SPATA16: variants seen among roughly 807,000 people sequenced by gnomAD.
SPATA16 encodes the protein spermatogenesis-associated protein 16.
Under a neutral mutation model 63.3 loss-of-function variants are expected in SPATA16, and 36 were observed. The ratio of observed to expected loss-of-function variants is 0.57; its 90% CI spans 0.44 to 0.75. The LOEUF (loss-of-function observed/expected upper bound fraction) is 0.75, where lower values mean the gene tolerates loss of function less well. SPATA16 is among the 30% of genes least tolerant of loss of function. The probability of loss-of-function intolerance (pLI) is 0.00; values close to 1 mark genes in which losing one functional copy is unlikely to be tolerated. For synonymous variants in SPATA16, 203 were observed against 216.7 expected, an observed-to-expected ratio of 0.94 and a Z score of 0.56; for missense variants, 646 against 679.3, an observed-to-expected ratio of 0.95 and a Z score of 0.54.
chr3:173,035,889 A>G (rs1464328797), intron 3 of SPATA16, among the ~76,000 whole-genome samples: 1 of 152,040 alleles, frequency 6.6e-6, no homozygotes, highest in Non-Finnish European at 1.5e-5. Flanking sequence ...TGCAGGAAGC[A>G]AACAGGTGAT....
chr3:173,058,202 T>A (rs1736295506), intron 2 of SPATA16, among the ~76,000 whole-genome samples: 1 of 152,064 alleles, frequency 6.6e-6, no homozygotes, highest in African/African-American at 2.4e-5. Context: ...TCATGAACAT[T>A]TTCATGTTAA....
intron 6 of SPATA16, among the ~76,000 whole-genome samples, chr3:172,953,640 G>A (rs553993640): frequency 1.1e-4 from 17 of 152,290 alleles, no homozygotes; most frequent in African/African-American, 3.6e-4. Flanking sequence ...TGCTCAAGAC[G>A]CCAGAGCTGA....
intron 2 of SPATA16, among the ~76,000 whole-genome samples, chr3:173,080,362 A>G (rs982187353): frequency 6.6e-6 from 1 of 152,240 alleles, no homozygotes; most frequent in African/African-American, 2.4e-5. Flanking sequence ...AGCAAACTGC[A>G]GGGCTGAACA....
At chr3:173,059,673 T>C (rs530340768) in intron 2 of SPATA16, among the ~76,000 whole-genome samples, 5 of 152,028 alleles carry the variant, frequency 3.3e-5, no homozygotes, top group African/African-American at 9.7e-5. Context: ...TTTAATCATT[T>C]ATGGATTATC....
chr3:173,051,833 A>G (rs769099147), intron 2 of SPATA16, among the ~76,000 whole-genome samples: 4 of 151,434 alleles, frequency 2.6e-5, no homozygotes, highest in Non-Finnish European at 5.9e-5. Context: ...TTCTTGAGAC[A>G]GAGTCTCACT....
chr3:173,049,928 A>G (rs1437972616), intron 2 of SPATA16, among the ~76,000 whole-genome samples: 2 of 152,062 alleles, frequency 1.3e-5, no homozygotes, highest in Non-Finnish European at 2.9e-5. Context: ...AGTCCTATCT[A>G]TGTTTAGTGA....
intron 2 of SPATA16, among the ~76,000 whole-genome samples, chr3:173,074,223 T>C (rs1002078233): frequency 2.6e-5 from 4 of 152,196 alleles, no homozygotes; most frequent in South Asian, 2.1e-4. Context: ...TTTGAGTTAA[T>C]ACTGAAATGA....
In SPATA16 at chr3:173,117,476, C is replaced by T. The variant is rs1737936335; in HGVS notation, c.256G>A (p.Ala86Thr). The part of the protein sequence containing the change: ...DLEKAAFKRK[A>T]EGEEKPTRKK... ...CTAGTTGGCTTTTCTTCACCTTCTG[C>T]CTTCCGTTTAAAGGCTGCTTTCTCT... is the stretch of plus-strand genomic sequence containing the variant. Residue 86 changes from alanine to threonine, a missense_variant, in exon 2 of 11, where the codon GCA becomes ACA. Transcript: ENST00000351008. The T allele has an allele frequency of 6.2e-7, 1 of 1,614,130 alleles. No homozygotes were observed. Among genetic ancestry groups the T allele is most frequent in the Non-Finnish European group, 8.5e-7 (1 of 1,179,994 alleles).
At chr3:173,078,194 G>T (rs755641588) in intron 2 of SPATA16, among the ~76,000 whole-genome samples, 1 of 152,086 alleles carries the variant, frequency 6.6e-6, no homozygotes. Flanking sequence ...CAACGCTTTA[G>T]TAAATGACTG....
chr3:172,925,945 C>A (rs555890104), intron 6 of SPATA16, among the ~76,000 whole-genome samples: 1 of 152,236 alleles, frequency 6.6e-6, no homozygotes, highest in Non-Finnish European at 1.5e-5. Context: ...CCTGCTTTAG[C>A]CTCCTGAGTA....
chr3:173,005,689 A>G (rs1008307803), intron 4 of SPATA16, among the ~76,000 whole-genome samples: 1 of 152,230 alleles, frequency 6.6e-6, no homozygotes, highest in Non-Finnish European at 1.5e-5. Context: ...TCAATGCAGG[A>G]TGGAGAAATT....
At chr3:173,112,681 G>A (rs543750095) in intron 2 of SPATA16, among the ~76,000 whole-genome samples, 3 of 152,304 alleles carry the variant, frequency 2.0e-5, no homozygotes, top group Admixed American at 1.3e-4. Context: ...ATAAATGTGA[G>A]TTATTACTTT....
At chr3:172,996,721 A>G (rs915030396) in intron 4 of SPATA16, among the ~76,000 whole-genome samples, 29 of 152,156 alleles carry the variant, frequency 1.9e-4, no homozygotes, top group Admixed American at 1.4e-3. Flanking sequence ...GCTTTGACAA[A>G]CGTACAATGA....
chr3:172,947,506 G>A (rs564738682), intron 6 of SPATA16, among the ~76,000 whole-genome samples: 3 of 150,342 alleles, frequency 2.0e-5, no homozygotes, highest in South Asian at 4.2e-4. Flanking sequence ...CTTACGTTTC[G>A]CTTGCATTCA....
Position 172,983,242 on chromosome 3 carries a change from A to G in SPATA16, c.849-6190T>C, listed in dbSNP as rs75219481. ...CCGTATTCTCTGAATAGAAGTCTAA[A>G]TATCCTCACAATAATTTATTAATCT... On this transcript the variant is annotated intron_variant, in intron 4 of 10. Coordinates refer to ENST00000351008, the MANE Select transcript of SPATA16 (RefSeq NM_031955.6). 5.4e-3 allele frequency among the ~76,000 whole-genome samples: 826 copies of G among 152,126 alleles called. 4 individuals are homozygous for G. The highest frequency in any genetic ancestry group is 0.019 in the African/African-American group (791 of 41,476).
At chr3:173,110,947 C>G (rs964271790) in intron 2 of SPATA16, among the ~76,000 whole-genome samples, 1 of 152,216 alleles carries the variant, frequency 6.6e-6, no homozygotes, top group Non-Finnish European at 1.5e-5. Flanking sequence ...AATGAGGCAT[C>G]TGGTGTCCCG....
At chr3:173,021,252 A>G (rs913773589) in intron 3 of SPATA16, among the ~76,000 whole-genome samples, 32 of 152,226 alleles carry the variant, frequency 2.1e-4, no homozygotes, top group Non-Finnish European at 3.8e-4. Flanking sequence ...AAAATCATGC[A>G]TAACTAGTTA....
chr3:173,039,161 A>G (rs1000634591), intron 3 of SPATA16, among the ~76,000 whole-genome samples: 1 of 152,168 alleles, frequency 6.6e-6, no homozygotes, highest in African/African-American at 2.4e-5. Context: ...AATCTGAAGT[A>G]CATGAATGCT....
chr3:173,079,247 T>C (rs1208745035), intron 2 of SPATA16, among the ~76,000 whole-genome samples: 1 of 152,108 alleles, frequency 6.6e-6, no homozygotes, highest in African/African-American at 2.4e-5. Context: ...ACAGATATCT[T>C]ATATGCAGTC....
Sources: gnomAD v4.1 joint callset for allele counts (sites outside exome capture counted in the v4.1 genomes callset) on GRCh38, gnomAD v4.1.1 for gene constraint, MANE v1.5 for transcripts, NCBI Gene and HGNC (gene_info 2026-07-23, HGNC 2026-07-21) for gene names.